LAMA5: variants seen among roughly 807,000 people sequenced by gnomAD.
LAMA5 encodes laminin subunit alpha-5.
LAMA5 carries 260 observed loss-of-function variants against 433.4 expected under a neutral mutation model. The observed-to-expected ratio is 0.60, with a 90% CI of 0.54 to 0.66. The LOEUF is 0.66. LAMA5 is among the 30% of genes least tolerant of loss of function. The pLI is 0.00. For synonymous variants in LAMA5, 2,620 were observed against 2,226.6 expected, an observed-to-expected ratio of 1.18 and a Z score of -4.97; for missense variants, 5,378 against 5,258.5, an observed-to-expected ratio of 1.02 and a Z score of -0.70.
chr20:62,343,373 C>A (rs1050767033), intron 11 of LAMA5, among the ~76,000 whole-genome samples: 3 of 152,096 alleles, frequency 2.0e-5, no homozygotes, highest in Non-Finnish European at 4.4e-5. Flanking sequence ...GGTAGAACAA[C>A]GTGGGCAGAT....
In LAMA5 at chr20:62,310,446, G is replaced by A. The variant is rs1156573620; in HGVS notation, c.10573C>T (p.Pro3525Ser). 6.2e-7 allele frequency: 1 copy of A among 1,604,412 alleles called. No individual in the cohort carries two copies. Residue 3525 changes from proline to serine, a missense_variant, in exon 76 of 80, where the codon CCA (proline) becomes TCA (serine). By Grantham distance (74) the Pro-to-Ser change is moderately conservative (BLOSUM62 -1). Transcript: ENST00000252999. ...LGPLEAGLFF[P>S]GSGGVITLDL... ...AAAGTGATAACTCCCCCGCTGCCTG[G>A]GAAGAACAGGCCCGCCTCCAGGGGG...
In LAMA5 at chr20:62,311,254, T is replaced by C. The variant is rs540272848; in HGVS notation, c.9996A>G (p.Pro3332=). ...AGGAGTCTCGGGTGGTCCTGAGGTG[T>C]GGGGGCAGCATGCAGGCAGGATGCC... ...PARHPACMLP[P]HLRTTRDSYQ... The change falls in exon 73 of 80, where the codon CCA becomes CCG. Residue 3332 remains proline, a synonymous_variant. Coordinates refer to ENST00000252999, the MANE Select transcript of LAMA5 (RefSeq NM_005560.6). 3 of 1,606,566 alleles carry C rather than the reference T, an allele frequency of 1.9e-6. No individual in the cohort carries two copies. Among genetic ancestry groups the C allele is most frequent in the East Asian group, 2.2e-5 (1 of 44,790 alleles).
chr20:62,324,418 T>G lies in LAMA5; in HGVS notation c.5643+23A>C, dbSNP rs778471372. ...GTGCCTTCAGTGAATGCTGCCCCCC[T>G]GGCCCCACCAGCCCCTACTCACCAC... On this transcript the variant is annotated intron_variant, in intron 42 of 79. Coordinates refer to ENST00000252999, the MANE Select transcript of LAMA5 (RefSeq NM_005560.6). This position sits in a 1 kb window ranked among gnomAD's most constrained non-coding sequence, Gnocchi z 4.4. 1 of 1,577,386 alleles carries G rather than the reference T, an allele frequency of 6.3e-7. No homozygotes were observed. The highest frequency in any genetic ancestry group is 1.1e-5 in the South Asian group (1 of 89,426).
chr20:62,322,117 C>T lies in LAMA5; in HGVS notation c.6398G>A (p.Cys2133Tyr), dbSNP rs1295574779. The T allele has an allele frequency of 1.9e-6, 3 of 1,603,184 alleles. No individual in the cohort carries two copies. Among genetic ancestry groups the T allele is most frequent in the Non-Finnish European group, 1.7e-6 (2 of 1,178,644 alleles). Residue 2133 changes from cysteine (C) to tyrosine (Y), a missense_variant, in exon 48 of 80, where the codon TGC (cysteine) becomes TAC (tyrosine). By Grantham distance (194) the Cys-to-Tyr change is radical. Coordinates refer to ENST00000252999, the MANE Select transcript of LAMA5 (RefSeq NM_005560.6). ...RCDPHTGRCN[C>Y]PPGLSGERCD... ...GCGCTCCCCGCTGAGCCCCGGGGGG[C>T]AGTTGCAGCGGCCCGTGTGAGGGTC...
At chr20:62,339,260 C>T (rs1355753932) in intron 11 of LAMA5, among the ~76,000 whole-genome samples, 3 of 83,204 alleles carry the variant, frequency 3.6e-5, no homozygotes, top group Non-Finnish European at 6.5e-5. Flanking sequence ...TTTTTTGAGA[C>T]GGAGTCTTGA....
chr20:62,337,252 C>T (rs111501511), intron 16 of LAMA5, among the ~76,000 whole-genome samples: 8 of 152,320 alleles, frequency 5.3e-5, no homozygotes, highest in Non-Finnish European at 8.8e-5. Context: ...CATGCACCCA[C>T]GTGACACACA....
At chr20:62,313,037 G>A (rs1448249028) in intron 65 of LAMA5, 27 bp from the exon 66 acceptor site, 1 of 1,594,876 alleles carries the variant, frequency 6.3e-7, no homozygotes, top group Admixed American at 1.7e-5. Flanking sequence ...GGGTTAGTGT[G>A]GGGCAGGGTC....
intron 51 of LAMA5, 151 bp downstream of exon 51, chr20:62,319,533 C>A (rs978439278): frequency 1.7e-6 from 1 of 604,262 alleles, no homozygotes; most frequent in African/African-American, 1.8e-5. Flanking sequence ...CCTCCTGACC[C>A]TGCCCTACTG....
Position 62,330,574 on chromosome 20 carries a change from C to T in LAMA5, c.3893G>A (p.Arg1298His), listed in dbSNP as rs1245584874. 20 of 1,592,572 alleles carry T rather than the reference C, an allele frequency of 1.3e-5. No homozygotes were observed. The highest frequency in any genetic ancestry group is 9.1e-5 in the East Asian group (4 of 44,170). The change falls in exon 31 of 80, where the codon CGC (arginine) becomes CAC (histidine). Residue 1298 changes from arginine (R) to histidine (H), a missense_variant. Arg to His is a conservative substitution (Grantham distance 29). Transcript: ENST00000252999. ...GTAGCCGTGCAGCAGGAAGGCATAGCGGCCCAGCGTGGGCACATGGGTGGT... is the reference window on the plus strand; with the variant it reads ...GTAGCCGTGCAGCAGGAAGGCATAGTGGCCCAGCGTGGGCACATGGGTGGT... ...VFTTHVPTLG[R>H]YAFLLHGYQP...
chr20:62,339,773 T>G (rs1478380921), intron 11 of LAMA5, among the ~76,000 whole-genome samples: 1 of 152,028 alleles, frequency 6.6e-6, no homozygotes, highest in Non-Finnish European at 1.5e-5. Context: ...TTGCTCTAAC[T>G]TGTGAAAGTC....
intron 55 of LAMA5, 118 bp downstream of exon 55, chr20:62,317,227 G>A: frequency 7.9e-7 from 1 of 1,259,104 alleles, no homozygotes. Flanking sequence ...GGAAGGCCTG[G>A]CTTCTTTGAG....
At position 62,362,540 on chromosome 20, in the gene LAMA5, C is replaced by T. The variant is rs766694785; in HGVS notation, c.310G>A (p.Asp104Asn). 6.3e-6 allele frequency: 10 copies of T among 1,591,634 alleles called. No homozygotes were observed. The highest frequency in any genetic ancestry group is 1.1e-5 in the South Asian group (1 of 88,608). The change falls in exon 2 of 80, where the codon GAC (aspartate) becomes AAC (asparagine). Residue 104 changes from aspartate to asparagine, a missense_variant. Transcript: ENST00000252999. ...TTGCTGTTGGCAGCCGTGCAGATGT[C>T]ACAGTACTGGCCCTGCAGAGGGAAC... is the stretch of plus-strand genomic sequence containing the variant. ...PNQTIRGQYCDICTAANSNKA... is the reference protein window; with the variant it reads ...PNQTIRGQYCNICTAANSNKA...
intron 30 of LAMA5, 61 bp from the exon 31 acceptor site, chr20:62,330,675 C>A: frequency 3.2e-6 from 5 of 1,561,216 alleles, no homozygotes; most frequent in Non-Finnish European, 4.3e-6. Context: ...CCCTGGACAA[C>A]CTGCCCTGGG....
intron 11 of LAMA5, among the ~76,000 whole-genome samples, chr20:62,344,195 A>G (rs919635243): frequency 6.3e-4 from 94 of 149,460 alleles, no homozygotes; most frequent in Non-Finnish European, 6.1e-4. Context: ...TAAGTCTAAG[A>G]CCCCACTCAC....
chr20:62,332,593 T>TG lies in LAMA5; in HGVS notation c.3406dup (p.Gln1136ProfsTer58). On this transcript the variant is annotated frameshift_variant, in exon 27 of 80. Transcript: ENST00000252999. LOFTEE classifies it high-confidence loss of function. ...GGGGTGCAGGGAGAGCAGCCCCTGC[T>TG]GGGGGGCCCGCTGTGGGGTGTGCAC... 2.5e-6 allele frequency: 4 copies of TG among 1,594,830 alleles called. No homozygotes were observed. Among genetic ancestry groups the TG allele is most frequent in the Non-Finnish European group, 3.4e-6 (4 of 1,169,190 alleles).
rs5842387 is a variant in LAMA5, at chr20:62,359,472, TGGGCCTGGGGCCTG to T, written c.450+2914_450+2927del. 8.0e-5 allele frequency among the ~76,000 whole-genome samples: 12 copies of T among 149,954 alleles called. No homozygotes were observed. Among genetic ancestry groups the T allele is most frequent in the South Asian group, 2.2e-4 (1 of 4,650 alleles). On this transcript the variant is annotated intron_variant, in intron 2 of 79. Transcript: ENST00000252999. This position sits in a 1 kb window ranked among gnomAD's most constrained non-coding sequence, Gnocchi z 4.3. ...AGTCATGAACGCGCTCACCCTTCCC[TGGGCCTGGGGCCTG>T]GGGCCTGGGGCCTGGGTGTGGTTCT...
intron 2 of LAMA5, among the ~76,000 whole-genome samples, chr20:62,358,923 A>T (rs764670427): frequency 5.3e-5 from 8 of 151,784 alleles, no homozygotes; most frequent in Non-Finnish European, 1.0e-4. Context: ...ATGGGTCTCC[A>T]CCATCCCCAG....
chr20:62,331,981 G>A (rs1395732188), intron 28 of LAMA5, among the ~76,000 whole-genome samples: 1 of 152,060 alleles, frequency 6.6e-6, no homozygotes, highest in African/African-American at 2.4e-5. Context: ...GAACCCAGGA[G>A]GTGGAGGTTG....
chr20:62,313,059 G>A (rs1986497469), intron 65 of LAMA5, 29 bp downstream of exon 65: 11 of 1,604,724 alleles, frequency 6.9e-6, no homozygotes, highest in Non-Finnish European at 9.4e-6. Context: ...GTGCAAGTGG[G>A]GATGGCAGGA....
Sources: gnomAD v4.1 joint callset for allele counts (sites outside exome capture counted in the v4.1 genomes callset) on GRCh38, gnomAD v4.1.1 for gene constraint, Gnocchi (gnomAD v3.1) non-coding constraint, MANE v1.5 for transcripts, NCBI Gene and HGNC (gene_info 2026-07-23, HGNC 2026-07-21) for gene names.